MAK: variants seen among roughly 807,000 people sequenced by gnomAD.
The protein encoded by MAK is male germ cell associated kinase, also known as serine/threonine-protein kinase MAK.
In MAK, 65 loss-of-function variants were observed where a neutral mutation model predicts 82.6. The observed-to-expected ratio is 0.79, with a 90% confidence interval of 0.64 to 0.97. The LOEUF is 0.97. MAK is among the 50% of genes least tolerant of loss of function. The pLI is 0.00. For missense variants in MAK, 703 were observed against 780.2 expected (o/e 0.90, Z 1.18); for synonymous variants, 250 against 274.2 (o/e 0.91, Z 0.87).
intron 11 of MAK, among the ~76,000 whole-genome samples, chr6:10,782,064 G>A (rs929243739): frequency 9.2e-5 from 14 of 151,916 alleles, no homozygotes; most frequent in Admixed American, 2.0e-4. Flanking sequence ...AAAATTAGCC[G>A]GGTGTGGTGG....
intron 11 of MAK, among the ~76,000 whole-genome samples, chr6:10,781,099 G>A (rs896574446): frequency 4.6e-5 from 7 of 151,954 alleles, no homozygotes; most frequent in East Asian, 1.9e-4. Context: ...TCCTCTACAC[G>A]CAAACCTGCT....
Position 10,776,808 on chromosome 6 carries a change from T to G in MAK, c.1466-1349A>C, listed in dbSNP as rs1315647023. On this transcript the variant is annotated intron_variant, in intron 11 of 14. Coordinates refer to ENST00000354489, the MANE Select transcript of MAK (RefSeq NM_001242957.3). The surrounding 1 kb of genome is among the most constrained non-coding windows in gnomAD (Gnocchi z 4.3). ...CGAACTATTATAGGCAACTACCAGC[T>G]GGGTGCGGTGGCTCATGCCTGTAAT... Among the ~76,000 whole-genome samples, 1 of 152,112 alleles carries G rather than the reference T, an allele frequency of 6.6e-6. No homozygotes were observed. The highest frequency in any genetic ancestry group is 2.4e-5 in the African/African-American group (1 of 41,416).
intron 1 of MAK, among the ~76,000 whole-genome samples, chr6:10,833,662 A>G (rs1778971828): frequency 6.6e-6 from 1 of 151,812 alleles, no homozygotes; most frequent in Non-Finnish European, 1.5e-5. Flanking sequence ...TTTAACATTT[A>G]TCTTACTTCA....
chr6:10,801,691 G>C (rs138790613), intron 8 of MAK, among the ~76,000 whole-genome samples: 1 of 152,132 alleles, frequency 6.6e-6, no homozygotes, highest in South Asian at 2.1e-4. Flanking sequence ...AAAATCATTG[G>C]TGTGGCTATT....
chr6:10,814,038 C>T lies in MAK; in HGVS notation c.279-315G>A, dbSNP rs183026455. Among the ~76,000 whole-genome samples, 62 of 152,012 alleles carry T rather than the reference C, an allele frequency of 4.1e-4. 2 individuals carry two copies. The East Asian group carries it at 6.2e-3, about 15-fold the overall frequency. On this transcript the variant is annotated intron_variant, in intron 4 of 14. Coordinates refer to ENST00000354489, the MANE Select transcript of MAK (RefSeq NM_001242957.3). ...AGGCTGGAGTGCAGTGGCGCAATCT[C>T]GGCTCACTGAAACCTCCACCTCCCG...
intron 1 of MAK, among the ~76,000 whole-genome samples, chr6:10,832,672 T>C (rs935576284): frequency 5.3e-5 from 8 of 152,170 alleles, no homozygotes; most frequent in Non-Finnish European, 8.8e-5. Context: ...CTATTTTTTG[T>C]AATTTTAGTA....
chr6:10,783,196 G>C (rs1458904300), intron 11 of MAK, among the ~76,000 whole-genome samples: 1 of 152,154 alleles, frequency 6.6e-6, no homozygotes, highest in Non-Finnish European at 1.5e-5. Context: ...TGTAGATACA[G>C]GACGATTTAA....
chr6:10,825,804 C>T (rs1475249777), intron 2 of MAK, among the ~76,000 whole-genome samples: 1 of 152,134 alleles, frequency 6.6e-6, no homozygotes, highest in Non-Finnish European at 1.5e-5. Context: ...TGTCCCTTGA[C>T]TGTATCCACT....
At chr6:10,805,199 G>A (rs1351182347) in intron 6 of MAK, among the ~76,000 whole-genome samples, 1 of 152,170 alleles carries the variant, frequency 6.6e-6, no homozygotes, top group East Asian at 1.9e-4. Context: ...ATAACTTGGC[G>A]AATAATTATC....
At chr6:10,792,318 G>A (rs1223385549) in intron 9 of MAK, among the ~76,000 whole-genome samples, 1 of 152,192 alleles carries the variant, frequency 6.6e-6, no homozygotes, top group Non-Finnish European at 1.5e-5. Context: ...GTGGCCACAG[G>A]AATGAAAGCC....
rs773304876 is a variant in MAK at position 10,775,444 on chromosome 6, T to A, written c.1481A>T (p.Lys494Met). 59 of 1,611,812 alleles carry A rather than the reference T, an allele frequency of 3.7e-5. No homozygotes were observed. The highest frequency in any genetic ancestry group is 5.0e-5 in the Non-Finnish European group (59 of 1,179,564). ...CTTTCCACTGGCTATCAAGGACACC[T>A]TCTTGGGATTCACACCTGAGAAGAA... Reference protein sequence around the residue: ...SRYLPGVNPKKVSLIASGKEI... With the variant: ...SRYLPGVNPKMVSLIASGKEI... The change falls in exon 12 of 15, where the codon AAG becomes ATG. Residue 494 changes from lysine (K) to methionine (M), a missense_variant. Lys to Met is a moderately conservative substitution (Grantham distance 95, BLOSUM62 -1). Coordinates refer to ENST00000354489, the MANE Select transcript of MAK (RefSeq NM_001242957.3).
At chr6:10,813,576 T>C (rs1261846670) in intron 5 of MAK, 68 bp downstream of exon 5, 1 of 905,134 alleles carries the variant, frequency 1.1e-6, no homozygotes, top group Non-Finnish European at 1.9e-6. Flanking sequence ...AACAGTTTAA[T>C]AAATTTGTAT....
chr6:10,833,136 C>T (rs1314320925), intron 1 of MAK, among the ~76,000 whole-genome samples: 2 of 152,124 alleles, frequency 1.3e-5, no homozygotes, highest in Admixed American at 6.6e-5. Flanking sequence ...AACAAGGGCA[C>T]GTTATAGTTG....
At chr6:10,834,604 T>C (rs897647644) in intron 1 of MAK, among the ~76,000 whole-genome samples, 1 of 152,164 alleles carries the variant, frequency 6.6e-6, no homozygotes, top group African/African-American at 2.4e-5. Flanking sequence ...CACTAAGATA[T>C]TGCTGACTAC....
At chr6:10,805,410 A>AC in intron 6 of MAK, among the ~76,000 whole-genome samples, 1 of 151,738 alleles carries the variant, frequency 6.6e-6, no homozygotes, top group South Asian at 2.1e-4. Context: ...ACATGGTGAA[A>AC]CCCCGTCTCT....
rs777448217 is a variant in MAK at position 10,779,434 on chromosome 6, G to A, written c.1466-3975C>T. On this transcript the variant is annotated intron_variant, in intron 11 of 14. Coordinates refer to ENST00000354489, the MANE Select transcript of MAK (RefSeq NM_001242957.3). ...GCAGGTCAGTAACTATGACTCTTGCGTCTCTTTCCCTGAAGGCCAGTGTCA... is the reference window on the plus strand; with the variant it reads ...GCAGGTCAGTAACTATGACTCTTGCATCTCTTTCCCTGAAGGCCAGTGTCA... 1.0e-4 allele frequency: 101 copies of A among 985,002 alleles called. No individual in the cohort carries two copies. In the African/African-American group the frequency reaches 1.2e-3, roughly 11 times the overall value. The allele number at this position is 985,002 out of a possible 1,614,324, so 61.0% of individuals were successfully genotyped here.
At chr6:10,785,649 A>G (rs1410103500) in intron 10 of MAK, among the ~76,000 whole-genome samples, 3 of 152,248 alleles carry the variant, frequency 2.0e-5, no homozygotes, top group South Asian at 4.1e-4. Context: ...CACTGCTGTT[A>G]TATCACTAAC....
intron 11 of MAK, among the ~76,000 whole-genome samples, chr6:10,784,073 A>G (rs1409415181): frequency 1.3e-5 from 2 of 152,136 alleles, no homozygotes; most frequent in Admixed American, 6.6e-5. Context: ...CATTTAGGAA[A>G]GAGTATTTGA....
intron 2 of MAK, among the ~76,000 whole-genome samples, chr6:10,823,818 C>G (rs773375300): frequency 1.3e-5 from 2 of 152,176 alleles, no homozygotes; most frequent in Non-Finnish European, 2.9e-5. Flanking sequence ...GCATCAGCCA[C>G]CACACCCGGC....
Sources: allele counts gnomAD v4.1 joint callset (sites outside exome capture counted in the v4.1 genomes callset), GRCh38; gene constraint gnomAD v4.1.1; non-coding constraint Gnocchi (gnomAD v3.1); transcripts MANE v1.5; gene names NCBI Gene and HGNC (gene_info 2026-07-23, HGNC 2026-07-21).